ADCY5: variants seen among roughly 807,000 people sequenced by gnomAD.
ADCY5 encodes adenylate cyclase 5, also known as adenylate cyclase type 5.
A neutral mutation model predicts 119.7 loss-of-function variants in ADCY5; 30 were observed. That is an observed-to-expected ratio of 0.25 (90% CI 0.19 to 0.34). The LOEUF (loss-of-function observed/expected upper bound fraction) is 0.34, where lower values mean the gene tolerates loss of function less well. ADCY5 is among the 10% of genes least tolerant of loss of function. The pLI is 1.00. For missense variants in ADCY5, 1,324 were observed against 1,775.2 expected, an observed-to-expected ratio of 0.75 and a Z score of 4.57; for synonymous variants, 753 against 762.2, an observed-to-expected ratio of 0.99 and a Z score of 0.20.
Position 123,300,215 on chromosome 3 carries a change from G to T in ADCY5, c.2805C>A (p.Leu935=). Residue 935 remains leucine, a synonymous_variant, in exon 15 of 21, where the codon CTC becomes CTA. Coordinates refer to ENST00000462833, the MANE Select transcript of ADCY5 (RefSeq NM_183357.3). ...LQISCIGKLV[L]MLAIELIYVL... is the part of the protein sequence containing the mutation. Reference sequence around the variant, plus strand: ...CGTAGATGAGCTCGATGGCCAGCATGAGCACCAGCTTCCCGATGCAGCTGA... The same window carrying T: ...CGTAGATGAGCTCGATGGCCAGCATTAGCACCAGCTTCCCGATGCAGCTGA... 1 of 1,613,842 alleles carries T rather than the reference G, an allele frequency of 6.2e-7. No homozygotes were observed. Among genetic ancestry groups the T allele is most frequent in the Admixed American group, 1.7e-5 (1 of 60,034 alleles).
chr3:123,329,254 C>A (rs1436598755), intron 5 of ADCY5, among the ~76,000 whole-genome samples: 1 of 152,220 alleles, frequency 6.6e-6, no homozygotes, highest in Non-Finnish European at 1.5e-5. Context: ...TTTATCCACA[C>A]TGCTGCTTCC....
Position 123,289,754 on chromosome 3 carries a change from C to T in ADCY5, c.3528G>A (p.Lys1176=). Residue 1176 remains lysine (K), a synonymous_variant, in exon 19 of 21, where the codon AAG becomes AAA. Transcript: ENST00000462833. ...NEHSFNNFQM[K]IGLNIGPVVA... ...ACTCCCTGGGCCCCCACTCACCGATCTTCATCTGGAAGTTGTTGAAGGAGT... is the reference window on the plus strand; with the variant it reads ...ACTCCCTGGGCCCCCACTCACCGATTTTCATCTGGAAGTTGTTGAAGGAGT... 1 of 1,613,668 alleles carries T rather than the reference C, an allele frequency of 6.2e-7. No homozygotes were observed. Among genetic ancestry groups the T allele is most frequent in the Non-Finnish European group, 8.5e-7 (1 of 1,180,016 alleles).
chr3:123,434,780 CTT>C (rs1437589229), intron 1 of ADCY5, among the ~76,000 whole-genome samples: 2 of 152,046 alleles, frequency 1.3e-5, no homozygotes, highest in Non-Finnish European at 2.9e-5. Context: ...TAAGAAATCT[CTT>C]GTCTATAGCC....
At chr3:123,309,607 A>G (rs1940430261) in intron 12 of ADCY5, among the ~76,000 whole-genome samples, 1 of 152,256 alleles carries the variant, frequency 6.6e-6, no homozygotes, top group Non-Finnish European at 1.5e-5. Context: ...CACAGTTCCA[A>G]GTAGCATAGC....
At chr3:123,398,425 C>A (rs1944664209) in intron 1 of ADCY5, among the ~76,000 whole-genome samples, 1 of 152,116 alleles carries the variant, frequency 6.6e-6, no homozygotes, top group Admixed American at 6.5e-5. Context: ...TGGTTCTCTG[C>A]CGTTTTGCAA....
intron 1 of ADCY5, among the ~76,000 whole-genome samples, chr3:123,445,971 G>A (rs373276507): frequency 2.0e-5 from 3 of 152,204 alleles, no homozygotes; most frequent in South Asian, 4.1e-4. Context: ...AGAAGACCAC[G>A]AGGTCAGTGT....
At chr3:123,314,751 T>C (rs942237072) in intron 11 of ADCY5, among the ~76,000 whole-genome samples, 1 of 152,190 alleles carries the variant, frequency 6.6e-6, no homozygotes, top group Non-Finnish European at 1.5e-5. Flanking sequence ...CATAAATAAC[T>C]GTGAAGGCTG....
intron 1 of ADCY5, among the ~76,000 whole-genome samples, chr3:123,406,819 G>A (rs1163968309): frequency 1.3e-5 from 2 of 152,038 alleles, no homozygotes; most frequent in African/African-American, 4.8e-5. Context: ...CAGTGCCTGG[G>A]CCCTCTCCAC....
At chr3:123,320,880 C>T (rs1231616018) in intron 8 of ADCY5, 109 bp from the exon 9 acceptor site, 22 of 783,208 alleles carry the variant, frequency 2.8e-5, no homozygotes, top group Non-Finnish European at 3.3e-5. Flanking sequence ...TCCCAAAGGA[C>T]GTGGACATAG....
At chr3:123,440,332 C>T (rs1945702352) in intron 1 of ADCY5, among the ~76,000 whole-genome samples, 1 of 152,204 alleles carries the variant, frequency 6.6e-6, no homozygotes, top group Non-Finnish European at 1.5e-5. Flanking sequence ...CCAGATGCAG[C>T]AGCTCATAAC....
At chr3:123,295,399 T>C (rs912244906) in intron 17 of ADCY5, among the ~76,000 whole-genome samples, 28 of 152,248 alleles carry the variant, frequency 1.8e-4, no homozygotes, top group Admixed American at 1.6e-3. Context: ...TCCTGCTGAG[T>C]GCTCTTGGGC....
chr3:123,291,182 C>T lies in ADCY5; in HGVS notation c.3258G>A (p.Glu1086=), dbSNP rs766239300. The T allele has an allele frequency of 1.2e-6, 2 of 1,614,110 alleles. No homozygotes were observed. The highest frequency in any genetic ancestry group is 1.7e-6 in the Non-Finnish European group (2 of 1,180,042). Residue 1086 remains glutamate (E), a synonymous_variant, in exon 18 of 21, where the codon GAG becomes GAA. Transcript: ENST00000462833. ...SIANFSEFYV[E]LEANNEGVEC... ...CGACACCCTCGTTGTTGGCCTCCAG[C>T]TCAACGTAGAACTCGGAGAAGTTGG...
intron 15 of ADCY5, among the ~76,000 whole-genome samples, chr3:123,298,448 G>A (rs1939646968): frequency 6.6e-6 from 1 of 152,182 alleles, no homozygotes; most frequent in South Asian, 2.1e-4. Context: ...CCTGAACCAA[G>A]AGTAGAAAAG....
At chr3:123,434,893 C>T (rs368514916) in intron 1 of ADCY5, among the ~76,000 whole-genome samples, 27 of 152,288 alleles carry the variant, frequency 1.8e-4, no homozygotes, top group African/African-American at 6.3e-4. Context: ...CAAAAGGACC[C>T]GGGCCTAGGT....
rs375860109 is a variant in ADCY5, at chr3:123,419,240, C to T, written c.1134+28172G>A. ...GCACACAGTCAGGTGGCACTCAAGGCCCTCCCCTCCACGCGCCCCCACAGG... is the reference window on the plus strand; with the variant it reads ...GCACACAGTCAGGTGGCACTCAAGGTCCTCCCCTCCACGCGCCCCCACAGG... On this transcript the variant is annotated intron_variant, in intron 1 of 20. Coordinates refer to ENST00000462833, the MANE Select transcript of ADCY5 (RefSeq NM_183357.3). 7.5e-5 allele frequency: 74 copies of T among 985,138 alleles called. No homozygotes were observed. The East Asian group carries it at 7.3e-3, about 97-fold the overall frequency. The allele number at this position is 985,138 out of a possible 1,614,324, so 61.0% of individuals were successfully genotyped here.
At chr3:123,406,769 A>G (rs1013774644) in intron 1 of ADCY5, among the ~76,000 whole-genome samples, 2 of 152,100 alleles carry the variant, frequency 1.3e-5, no homozygotes, top group Non-Finnish European at 2.9e-5. Context: ...CTGCACTCCC[A>G]TGACTCCACC....
intron 1 of ADCY5, among the ~76,000 whole-genome samples, chr3:123,393,195 C>A (rs1944444398): frequency 6.6e-6 from 1 of 152,218 alleles, no homozygotes; most frequent in Non-Finnish European, 1.5e-5. Context: ...AGCCCTCTCA[C>A]TCAGAACTCT....
chr3:123,317,192 C>T (rs1308565341), intron 11 of ADCY5, among the ~76,000 whole-genome samples: 2 of 152,174 alleles, frequency 1.3e-5, no homozygotes, highest in East Asian at 3.8e-4. Context: ...AAAGTACTCC[C>T]CATAGAAGCC....
At chr3:123,331,793 C>T (rs1941776548) in intron 4 of ADCY5, among the ~76,000 whole-genome samples, 2 of 152,196 alleles carry the variant, frequency 1.3e-5, no homozygotes, top group Non-Finnish European at 2.9e-5. Context: ...GTGCTATTCA[C>T]CTCATTCAGT....
Sources: allele counts gnomAD v4.1 joint callset (sites outside exome capture counted in the v4.1 genomes callset), GRCh38; gene constraint gnomAD v4.1.1; transcripts MANE v1.5; gene names NCBI Gene and HGNC (gene_info 2026-07-23, HGNC 2026-07-21).